The following WDPCP variants were observed in gnomAD, a reference collection of about 807,000 sequenced individuals.
The protein encoded by WDPCP is WD repeat containing planar cell polarity effector, also known as WD repeat-containing and planar cell polarity effector protein fritz homolog.
In WDPCP, 71 loss-of-function variants were observed where a neutral mutation model predicts 93.1. That is an observed-to-expected ratio of 0.76 (90% CI 0.63 to 0.93). WDPCP has a LOEUF of 0.93. Among genes scored for constraint, WDPCP ranks in the 40% least tolerant of loss-of-function variants. The pLI is 0.00. For synonymous variants in WDPCP, 315 were observed against 315.0 expected, an observed-to-expected ratio of 1.00 and a Z score of 0.00; for missense variants, 844 against 887.4, an observed-to-expected ratio of 0.95 and a Z score of 0.62.
chr2:63,458,180 T>C (rs1698769223), intron 6 of WDPCP, among the ~76,000 whole-genome samples: 1 of 148,570 alleles, frequency 6.7e-6, no homozygotes. Context: ...ACTTTCACCA[T>C]TCCTAATCGA....
intron 14 of WDPCP, among the ~76,000 whole-genome samples, chr2:63,225,703 T>C (rs1406388707): frequency 6.6e-6 from 1 of 151,844 alleles, no homozygotes; most frequent in Non-Finnish European, 1.5e-5. Flanking sequence ...ACAAACATAA[T>C]AGTAATAAAA....
At chr2:63,486,727 G>GCATAATTTCTAAAAACT (rs1700595555) in intron 3 of WDPCP, 141 bp from the exon 4 acceptor site, 1 of 711,272 alleles carries the variant, frequency 1.4e-6, no homozygotes, top group African/African-American at 1.9e-5. Context: ...ATTATGCTTA[G>GCATAATTTCTAAAAACT]GTTCTAAAAG....
chr2:63,677,245 AG>A (rs1710413389), intron 2 of WDPCP, among the ~76,000 whole-genome samples: 3 of 152,220 alleles, frequency 2.0e-5, no homozygotes, highest in African/African-American at 7.2e-5. Flanking sequence ...TCAGAGCAAA[AG>A]TAAATCCTCT....
At chr2:63,325,503 T>C (rs2104236204) in intron 12 of WDPCP, among the ~76,000 whole-genome samples, 1 of 152,280 alleles carries the variant, frequency 6.6e-6, no homozygotes, top group South Asian at 2.1e-4. Flanking sequence ...GGCCAGAAAA[T>C]TGACTTCCTC....
chr2:63,244,858 A>G (rs1175996485), intron 14 of WDPCP, among the ~76,000 whole-genome samples: 2 of 152,142 alleles, frequency 1.3e-5, no homozygotes, highest in Non-Finnish European at 1.5e-5. Context: ...CCTTATTCAC[A>G]TAACTCACAA....
chr2:63,391,382 G>A (rs1234990647), intron 10 of WDPCP, among the ~76,000 whole-genome samples: 1 of 152,022 alleles, frequency 6.6e-6, no homozygotes, highest in Non-Finnish European at 1.5e-5. Flanking sequence ...GGTATTGATG[G>A]AATATATCCC....
At chr2:63,341,124 T>C (rs544044171) in intron 12 of WDPCP, among the ~76,000 whole-genome samples, 10 of 152,292 alleles carry the variant, frequency 6.6e-5, no homozygotes, top group Non-Finnish European at 1.0e-4. Flanking sequence ...TTTTTAAATG[T>C]ATTCAGACTT....
chr2:63,121,896 A>G lies in WDPCP; in HGVS notation c.*110T>C. On this transcript the variant is annotated 3_prime_UTR_variant, in exon 18 of 18. Transcript: ENST00000272321. ...TCAACTCAAAACTCTTAACTAATTT[A>G]TATGATTCATACTGTCTCTTGTTAA... 6.5e-7 allele frequency: 1 copy of G among 1,537,810 alleles called. No individual in the cohort carries two copies. Among genetic ancestry groups the G allele is most frequent in the South Asian group, 1.3e-5 (1 of 77,518 alleles).
At chr2:63,273,424 C>T (rs561917056) in intron 13 of WDPCP, among the ~76,000 whole-genome samples, 1 of 150,650 alleles carries the variant, frequency 6.6e-6, no homozygotes, top group African/African-American at 2.4e-5. Flanking sequence ...AAAGAATATA[C>T]AAAACAAACT....
chr2:63,527,720 T>C (rs541316494), intron 1 of WDPCP, among the ~76,000 whole-genome samples: 1 of 152,056 alleles, frequency 6.6e-6, no homozygotes, highest in African/African-American at 2.4e-5. Context: ...TTTATAATCC[T>C]TTGGGTATAT....
chr2:63,220,452 T>C (rs1356360138), intron 14 of WDPCP, among the ~76,000 whole-genome samples: 11 of 152,190 alleles, frequency 7.2e-5, no homozygotes, highest in Admixed American at 7.2e-4. Flanking sequence ...AGTATGGATA[T>C]GTTTTGGAGG....
At chr2:63,805,687 G>C (rs1670754495) in intron 2 of WDPCP, among the ~76,000 whole-genome samples, 2 of 152,170 alleles carry the variant, frequency 1.3e-5, no homozygotes, top group African/African-American at 4.8e-5. Flanking sequence ...GAGGGGCAAT[G>C]CCATAGGAAT....
intron 2 of WDPCP, among the ~76,000 whole-genome samples, chr2:63,792,745 G>T (rs1441836922): frequency 6.6e-6 from 1 of 152,090 alleles, no homozygotes; most frequent in Non-Finnish European, 1.5e-5. Context: ...TTAAGTAGGG[G>T]TTTCTCATCA....
intron 13 of WDPCP, among the ~76,000 whole-genome samples, chr2:63,262,837 T>C (rs1169891715): frequency 6.6e-6 from 1 of 152,210 alleles, no homozygotes; most frequent in Non-Finnish European, 1.5e-5. Flanking sequence ...CCAGGCTAGA[T>C]TCAAACTCCT....
At chr2:63,313,853 CATATAT>C (rs1239251914) in intron 12 of WDPCP, among the ~76,000 whole-genome samples, 19 of 38,526 alleles carry the variant, frequency 4.9e-4, no homozygotes, top group South Asian at 1.2e-3. Context: ...ATTATTCATA[CATATAT>C]ATATATATAT....
intron 2 of WDPCP, among the ~76,000 whole-genome samples, chr2:63,736,810 T>C (rs1310687724): frequency 6.6e-6 from 1 of 152,216 alleles, no homozygotes; most frequent in Non-Finnish European, 1.5e-5. Context: ...CCAAAACCTA[T>C]AATAATTTTG....
chr2:63,680,506 C>T (rs1575745922), intron 2 of WDPCP, among the ~76,000 whole-genome samples: 1 of 152,256 alleles, frequency 6.6e-6, no homozygotes, highest in East Asian at 1.9e-4. Flanking sequence ...TTGGACCAGC[C>T]CTGGCCAGAA....
chr2:63,528,301 T>C (rs1703517827), intron 1 of WDPCP, among the ~76,000 whole-genome samples: 1 of 152,224 alleles, frequency 6.6e-6, no homozygotes, highest in Non-Finnish European at 1.5e-5. Context: ...CATGCCTATG[T>C]CCTGAATGGT....
At chr2:63,653,890 A>G (rs1710136490) in intron 2 of WDPCP, among the ~76,000 whole-genome samples, 1 of 145,082 alleles carries the variant, frequency 6.9e-6, no homozygotes, top group Admixed American at 7.0e-5. Flanking sequence ...AGCCTGTGCA[A>G]CAGAGCAAGA....
Sources: allele counts gnomAD v4.1 joint callset (sites outside exome capture counted in the v4.1 genomes callset), GRCh38; gene constraint gnomAD v4.1.1; transcripts MANE v1.5; gene names NCBI Gene and HGNC (gene_info 2026-07-23, HGNC 2026-07-21).